Variants in ABR observed in about 807,000 individuals in gnomAD.
ABR encodes active breakpoint cluster region-related protein.
A neutral mutation model predicts 107.2 loss-of-function variants in ABR; 35 were observed. The ratio of observed to expected loss-of-function variants is 0.33; its 90% confidence interval spans 0.25 to 0.43. The LOEUF is 0.43. Ranked by LOEUF, ABR falls within the 20% of genes least tolerant of loss-of-function variation. ABR has a pLI of 1.00. For synonymous variants in ABR, 498 were observed against 462.0 expected (o/e 1.08, Z -1.00); for missense variants, 815 against 1,115.2 (o/e 0.73, Z 3.83).
At chr17:1,040,661 G>A (rs748620394) in intron 16 of ABR, among the ~76,000 whole-genome samples, 38 of 152,166 alleles carry the variant, frequency 2.5e-4, no homozygotes, top group Non-Finnish European at 3.2e-4. Flanking sequence ...CTGGAAGGGG[G>A]TGGGGGACAG....
chr17:1,197,242 G>A (rs745825503), intron 1 of ABR, among the ~76,000 whole-genome samples: 3 of 151,748 alleles, frequency 2.0e-5, no homozygotes, highest in South Asian at 2.1e-4. Context: ...GAAACAGGCC[G>A]TGATCTCCTG....
rs560946306 is a variant in ABR at position 1,037,386 on chromosome 17, G to A, written c.1791+12664C>T. ...TCTCTGGCCACGTCAGGCTGGTGTCGCCAGGGTGCTCGGTGGTTCTAGGTA... is the reference window on the plus strand; with the variant it reads ...TCTCTGGCCACGTCAGGCTGGTGTCACCAGGGTGCTCGGTGGTTCTAGGTA... On this transcript the variant is annotated intron_variant, in intron 16 of 22. Coordinates refer to ENST00000302538, the MANE Select transcript of ABR (RefSeq NM_021962.5). This position sits in a 1 kb window ranked among gnomAD's most constrained non-coding sequence, Gnocchi z 4.6. Among the ~76,000 whole-genome samples the A allele has an allele frequency of 6.6e-6, 1 of 152,252 alleles. No individual in the cohort carries two copies. Among genetic ancestry groups the A allele is most frequent in the East Asian group, 1.9e-4 (1 of 5,178 alleles).
intron 16 of ABR, among the ~76,000 whole-genome samples, chr17:1,015,496 G>A (rs1397043155): frequency 6.6e-6 from 1 of 150,658 alleles, no homozygotes; most frequent in Non-Finnish European, 1.5e-5. Flanking sequence ...CGCTCTTATT[G>A]TCCAGGCCGG....
At chr17:1,183,327 G>A (rs1031882908), upstream of ABR, among the ~76,000 whole-genome samples, 2 of 151,978 alleles carry the variant, frequency 1.3e-5, no homozygotes, top group Non-Finnish European at 2.9e-5. Context: ...TCCAGCCTGT[G>A]CACTCAGACT....
intron 10 of ABR, among the ~76,000 whole-genome samples, chr17:1,059,072 T>C (rs1285870410): frequency 1.3e-5 from 2 of 152,158 alleles, no homozygotes; most frequent in Non-Finnish European, 2.9e-5. Context: ...AGCCTGTCAG[T>C]GATGCCCTAT....
At chr17:1,173,466 C>T (rs115332663) in intron 1 of ABR, among the ~76,000 whole-genome samples, 1,804 of 151,610 alleles carry the variant, frequency 0.012, 31 homozygotes, top group African/African-American at 0.04. Flanking sequence ...TAGGTTTGCG[C>T]CCAAAGGGCT....
chr17:1,063,888 C>T (rs2034355942), intron 10 of ABR, among the ~76,000 whole-genome samples: 1 of 149,392 alleles, frequency 6.7e-6, no homozygotes, highest in Non-Finnish European at 1.5e-5. Flanking sequence ...TATGCATGTT[C>T]CTCCAGACAC....
chr17:1,216,691 T>C (rs989523994), intron 1 of ABR, among the ~76,000 whole-genome samples: 2 of 152,338 alleles, frequency 1.3e-5, no homozygotes, highest in African/African-American at 4.8e-5. Context: ...CGTGCCACCC[T>C]GCTGTTGCAG....
At chr17:1,035,843 C>T (rs929890848) in intron 16 of ABR, among the ~76,000 whole-genome samples, 2 of 150,448 alleles carry the variant, frequency 1.3e-5, no homozygotes, top group Non-Finnish European at 3.0e-5. Flanking sequence ...GTGGGTGGGA[C>T]CCCGCATTAC....
In ABR at chr17:1,009,868, G is replaced by C. The variant is rs112538984; in HGVS notation, c.2237-84C>G. On this transcript the variant is annotated intron_variant, in intron 20 of 22. Coordinates refer to ENST00000302538, the MANE Select transcript of ABR (RefSeq NM_021962.5). ...TGTGGTCGTGAGGCTGTGGGCCCCT[G>C]CGGGAGAGAGCCCAGGCTTCCAGGC... 64 of 1,213,348 alleles carry C rather than the reference G, an allele frequency of 5.3e-5. 2 individuals are homozygous for C. The African/African-American group carries it at 5.7e-4, about 11-fold the overall frequency. 75.2% of individuals were successfully genotyped at this position (1,213,348 alleles called of 1,614,324 possible).
intron 16 of ABR, among the ~76,000 whole-genome samples, chr17:1,015,140 G>A: frequency 6.6e-6 from 1 of 152,124 alleles, no homozygotes; most frequent in East Asian, 1.9e-4. Context: ...AAGACAGCCA[G>A]GCACGGTGGC....
chr17:1,099,819 G>T (rs1055940780), intron 3 of ABR, among the ~76,000 whole-genome samples: 5 of 152,194 alleles, frequency 3.3e-5, no homozygotes, highest in Admixed American at 1.3e-4. Context: ...CCTCAGAGCT[G>T]TGCCGCTTCT....
intron 2 of ABR, among the ~76,000 whole-genome samples, chr17:1,112,233 G>A (rs867784104): frequency 1.4e-4 from 22 of 152,328 alleles, no homozygotes; most frequent in Admixed American, 1.3e-3. Context: ...GGCCCTTGCC[G>A]TTCTCAGGCT....
chr17:1,213,501 T>G (rs1432447741), intron 1 of ABR, among the ~76,000 whole-genome samples: 2 of 152,166 alleles, frequency 1.3e-5, no homozygotes, highest in African/African-American at 4.8e-5. Context: ...ACCATTCTCC[T>G]GCCTCAGCCT....
chr17:1,114,236 G>A (rs977464675), intron 2 of ABR, among the ~76,000 whole-genome samples: 16 of 151,468 alleles, frequency 1.1e-4, no homozygotes, highest in Non-Finnish European at 1.5e-4. Context: ...TTGGGAGGCC[G>A]AGGCAGGTAG....
intron 1 of ABR, among the ~76,000 whole-genome samples, chr17:1,185,839 T>C (rs2042279281): frequency 6.6e-6 from 1 of 151,776 alleles, no homozygotes; most frequent in Non-Finnish European, 1.5e-5. Context: ...TACTATTCTT[T>C]TTTTTCTTTC....
At chr17:1,119,951 C>T (rs1233288582) in intron 2 of ABR, among the ~76,000 whole-genome samples, 1 of 152,140 alleles carries the variant, frequency 6.6e-6, no homozygotes, top group Non-Finnish European at 1.5e-5. Context: ...TGCCTATTCG[C>T]AGGCGTGATC....
intron 2 of ABR, among the ~76,000 whole-genome samples, chr17:1,122,195 G>A (rs561891799): frequency 3.5e-4 from 53 of 152,302 alleles, no homozygotes; most frequent in Non-Finnish European, 4.3e-4. Context: ...GAGCCACCGC[G>A]CCCAGCCTGA....
intron 16 of ABR, among the ~76,000 whole-genome samples, chr17:1,035,299 C>T (rs1030562603): frequency 6.6e-6 from 1 of 150,798 alleles, no homozygotes; most frequent in Non-Finnish European, 1.5e-5. Flanking sequence ...GGGAAGGGGC[C>T]ACTCTCCTTC....
Sources: allele counts gnomAD v4.1 joint callset (sites outside exome capture counted in the v4.1 genomes callset), GRCh38; gene constraint gnomAD v4.1.1; non-coding constraint Gnocchi (gnomAD v3.1); transcripts MANE v1.5; gene names NCBI Gene and HGNC (gene_info 2026-07-23, HGNC 2026-07-21).